The following CNN1 variants were observed in gnomAD, a reference collection of about 807,000 sequenced individuals.
CNN1 encodes calponin 1, also known as calponin-1.
Under a neutral mutation model 35.3 loss-of-function variants are expected in CNN1, and 21 were observed. The ratio of observed to expected loss-of-function variants is 0.60; its 90% CI spans 0.42 to 0.86. CNN1 has a LOEUF of 0.86. Ranked by LOEUF, CNN1 falls within the 40% of genes least tolerant of loss-of-function variation. CNN1 has a pLI of 0.00. For missense variants in CNN1, 314 were observed against 400.8 expected (o/e 0.78, Z 1.85); for synonymous variants, 164 against 161.8 (o/e 1.01, Z -0.10).
intron 5 of CNN1, 22 bp downstream of exon 5, chr19:11,547,929 G>T (rs771050615): frequency 1.6e-5 from 25 of 1,598,698 alleles, no homozygotes; most frequent in Non-Finnish European, 2.1e-5. Context: ...TCCTCACTGC[G>T]CAGAGGTCAT....
intron 4 of CNN1, among the ~76,000 whole-genome samples, chr19:11,547,216 G>C (rs1425539651): frequency 2.0e-5 from 3 of 152,064 alleles, no homozygotes; most frequent in Non-Finnish European, 4.4e-5. Context: ...GGCCAACATG[G>C]TGAAATCCCG....
At chr19:11,548,993 C>T (rs1200256022) in intron 5 of CNN1, among the ~76,000 whole-genome samples, 2 of 151,740 alleles carry the variant, frequency 1.3e-5, no homozygotes, top group African/African-American at 4.8e-5. Context: ...TCGAGACCAG[C>T]GTGGCCAACA....
chr19:11,549,916 A>G lies in CNN1; in HGVS notation c.*121A>G, dbSNP rs559771997. 4.1e-5 allele frequency: 58 copies of G among 1,399,766 alleles called. No individual in the cohort carries two copies. The African/African-American group carries it at 7.2e-4, about 17-fold the overall frequency. 86.7% of individuals were successfully genotyped at this position (1,399,766 alleles called of 1,614,324 possible). On this transcript the variant is annotated 3_prime_UTR_variant, in exon 7 of 7. Transcript: ENST00000252456. The surrounding 1 kb of genome is among the most constrained non-coding windows in gnomAD (Gnocchi z 5.2). ...CATCCTCCAGCCCCTGTAGAACTCA[A>G]CCTCTACAGGGTTAGAGTTTGGAGA...
At chr19:11,545,707 C>T (rs752091334) in intron 2 of CNN1, among the ~76,000 whole-genome samples, 7 of 150,346 alleles carry the variant, frequency 4.7e-5, no homozygotes, top group Non-Finnish European at 8.8e-5. Flanking sequence ...GTAATCCCAG[C>T]GCTTTGGGAG....
In CNN1 at chr19:11,544,058, AGACTC is replaced by A. The variant is rs1288961074; in HGVS notation, c.186-2611_186-2607del. Among the ~76,000 whole-genome samples the A allele has an allele frequency of 5.9e-5, 9 of 152,172 alleles. No homozygotes were observed. The East Asian group carries it at 1.2e-3, about 20-fold the overall frequency. On this transcript the variant is annotated intron_variant, in intron 2 of 6. Coordinates refer to ENST00000252456, the MANE Select transcript of CNN1 (RefSeq NM_001299.6). ...AGGCACTGGGAACAGTGAACAGAAC[AGACTC>A]GACTCAGAGCTCAAGGACTTTTAGT... is the stretch of plus-strand genomic sequence containing the variant.
chr19:11,543,880 A>G (rs1972521325), intron 2 of CNN1, among the ~76,000 whole-genome samples: 2 of 151,922 alleles, frequency 1.3e-5, no homozygotes, highest in South Asian at 2.1e-4. Flanking sequence ...AAACCTGCAC[A>G]TAGTGCACAT....
intron 2 of CNN1, among the ~76,000 whole-genome samples, chr19:11,544,413 A>G (rs1972534749): frequency 1.3e-5 from 2 of 152,130 alleles, no homozygotes; most frequent in Admixed American, 1.3e-4. Context: ...CAAATGATTG[A>G]GCAGAAGTGG....
intron 4 of CNN1, 110 bp from the exon 5 acceptor site, chr19:11,547,687 T>A: frequency 1.2e-6 from 1 of 815,782 alleles, no homozygotes; most frequent in Non-Finnish European, 1.9e-6. Flanking sequence ...CACTCCAGCC[T>A]GGGCAACAGA....
At chr19:11,547,187 G>A (rs1038174742) in intron 4 of CNN1, among the ~76,000 whole-genome samples, 2 of 151,944 alleles carry the variant, frequency 1.3e-5, no homozygotes, top group Non-Finnish European at 2.9e-5. Context: ...GCTTGAGGCC[G>A]GGAGTTTGAG....
At chr19:11,545,062 A>G (rs1240663011) in intron 2 of CNN1, among the ~76,000 whole-genome samples, 3 of 151,942 alleles carry the variant, frequency 2.0e-5, no homozygotes, top group African/African-American at 7.3e-5. Flanking sequence ...TTAGCTGGGC[A>G]TGGTAGCAGG....
At position 11,549,480 on chromosome 19, in the gene CNN1, G is replaced by T. The variant is rs954656275; in HGVS notation, c.648+11G>T. 7.4e-6 allele frequency: 12 copies of T among 1,612,980 alleles called. No homozygotes were observed. The highest frequency in any genetic ancestry group is 1.0e-5 in the Non-Finnish European group (12 of 1,179,442). Reference sequence around the variant, plus strand: ...AAAGGAGCCAGCCAGGTGAGTGGGGGCCCCCGGGACACGCCGTCAAGGCCC... The same window carrying T: ...AAAGGAGCCAGCCAGGTGAGTGGGGTCCCCCGGGACACGCCGTCAAGGCCC... On this transcript the variant is annotated intron_variant, in intron 6 of 6. Transcript: ENST00000252456. This position sits in a 1 kb window ranked among gnomAD's most constrained non-coding sequence, Gnocchi z 5.2.
intron 2 of CNN1, among the ~76,000 whole-genome samples, chr19:11,541,686 T>A (rs1972465223): frequency 6.6e-6 from 1 of 152,164 alleles, no homozygotes; most frequent in African/African-American, 2.4e-5. Flanking sequence ...CCTCCAGGGT[T>A]TAAGTGATTC....
In CNN1 at chr19:11,549,213, A is replaced by C; in HGVS notation, c.502-110A>C. The C allele has an allele frequency of 8.1e-7, 1 of 1,228,076 alleles. No homozygotes were observed. 76.1% of individuals were successfully genotyped at this position (1,228,076 alleles called of 1,614,324 possible). ...AAAAAAAAATAAATAAAATAAAATA[A>C]AAATTGAAAAAAATGATAAAGCGGC... On this transcript the variant is annotated intron_variant, in intron 5 of 6. Transcript: ENST00000252456. This position sits in a 1 kb window ranked among gnomAD's most constrained non-coding sequence, Gnocchi z 5.2.
intron 2 of CNN1, 114 bp downstream of exon 2, chr19:11,541,311 C>A: frequency 1.5e-6 from 2 of 1,358,892 alleles, no homozygotes; most frequent in Non-Finnish European, 9.8e-7. Flanking sequence ...CTATTGGATA[C>A]CTTTGGGGTG....
chr19:11,541,724 G>C (rs1476328983), intron 2 of CNN1, among the ~76,000 whole-genome samples: 1 of 152,136 alleles, frequency 6.6e-6, no homozygotes, highest in Non-Finnish European at 1.5e-5. Context: ...CAATAGCTGG[G>C]ATTACAGGCA....
Position 11,538,899 on chromosome 19 carries a change from A to C in CNN1, c.-29A>C. ...CTCTGTTCTCAGCGTCAGTGCCGCCACTGCCCCCGCCAGAGCCCACCGGCC... is the reference window on the plus strand; with the variant it reads ...CTCTGTTCTCAGCGTCAGTGCCGCCCCTGCCCCCGCCAGAGCCCACCGGCC... On this transcript the variant is annotated 5_prime_UTR_variant, in exon 1 of 7. Transcript: ENST00000252456. The C allele has an allele frequency of 6.6e-7, 1 of 1,518,208 alleles. No homozygotes were observed. Among genetic ancestry groups the C allele is most frequent in the Non-Finnish European group, 8.9e-7 (1 of 1,129,020 alleles). The allele number at this position is 1,518,208 out of a possible 1,614,324, so 94.0% of individuals were successfully genotyped here. A position where few individuals can be genotyped will look rare whatever the true frequency, so the allele number is the denominator to read the frequency against.
chr19:11,539,290 CAT>C, intron 1 of CNN1: 1 of 1,172,996 alleles, frequency 8.5e-7, no homozygotes, highest in Non-Finnish European at 1.1e-6. Context: ...GGGGGAACAA[CAT>C]AGGGGGAAGA....
rs768721279 is a variant in CNN1, at chr19:11,549,561, T to C, written c.660T>C (p.Thr220=). 6 of 1,598,562 alleles carry C rather than the reference T, an allele frequency of 3.8e-6. No homozygotes were observed. In the Admixed American group the frequency reaches 8.4e-5, roughly 22 times the overall value. ...TNKGASQAGM[T]APGTKRQIFE... ...ACCACCCTTCGCAGGCTGGCATGAC[T>C]GCGCCAGGGACCAAGCGGCAGATCT... is the stretch of plus-strand genomic sequence containing the variant. The change falls in exon 7 of 7, where the codon ACT becomes ACC. Residue 220 remains threonine (T), a synonymous_variant. Coordinates refer to ENST00000252456, the MANE Select transcript of CNN1 (RefSeq NM_001299.6). The surrounding 1 kb of genome is among the most constrained non-coding windows in gnomAD (Gnocchi z 5.2).
intron 1 of CNN1, 65 bp from the exon 2 acceptor site, chr19:11,541,011 G>T: frequency 4.0e-6 from 6 of 1,496,354 alleles, no homozygotes; most frequent in Non-Finnish European, 5.4e-6. Flanking sequence ...GACCCAGGGA[G>T]CCCAGGCTGC....
Sources: gnomAD v4.1 joint callset for allele counts (sites outside exome capture counted in the v4.1 genomes callset) on GRCh38, gnomAD v4.1.1 for gene constraint, Gnocchi (gnomAD v3.1) non-coding constraint, MANE v1.5 for transcripts, NCBI Gene and HGNC (gene_info 2026-07-23, HGNC 2026-07-21) for gene names.